Variants in KIF26B observed in about 807,000 individuals in gnomAD.
The protein encoded by KIF26B is kinesin-like protein KIF26B.
Under a neutral mutation model 151.2 loss-of-function variants are expected in KIF26B, and 63 were observed. The ratio of observed to expected loss-of-function variants is 0.42; its 90% CI spans 0.34 to 0.51. The LOEUF is 0.51. KIF26B is among the 20% of genes least tolerant of loss of function. KIF26B has a pLI of 0.07. For synonymous variants in KIF26B, 1,357 were observed against 1,262.1 expected, an observed-to-expected ratio of 1.08 and a Z score of -1.59; for missense variants, 2,813 against 2,913.6, an observed-to-expected ratio of 0.97 and a Z score of 0.79.
At chr1:245,445,635 A>G (rs1341465236) in intron 4 of KIF26B, among the ~76,000 whole-genome samples, 1 of 152,246 alleles carries the variant, frequency 6.6e-6, no homozygotes, top group Non-Finnish European at 1.5e-5. Context: ...AATAGGTCAA[A>G]TAGATCATAA....
At chr1:245,592,535 AT>A (rs1341323899) in intron 5 of KIF26B, among the ~76,000 whole-genome samples, 1 of 152,234 alleles carries the variant, frequency 6.6e-6, no homozygotes, top group Non-Finnish European at 1.5e-5. Flanking sequence ...AAACTGTAAG[AT>A]TTGTAAAACT....
chr1:245,557,600 C>T (rs1039771129), intron 5 of KIF26B, among the ~76,000 whole-genome samples: 3 of 152,144 alleles, frequency 2.0e-5, no homozygotes, highest in African/African-American at 4.8e-5. Context: ...AGGAGCTCAG[C>T]GCTTGGTGGG....
rs140779492 is a variant in KIF26B, at chr1:245,185,364, C to T, written c.465+28681C>T. ...ATGTTGGCCAGGCTGGTCTCGAACT[C>T]CTGACCTCAGGTAATCAGGTGGCGG... On this transcript the variant is annotated intron_variant, in intron 2 of 14. Transcript: ENST00000407071. 5.8e-3 allele frequency among the ~76,000 whole-genome samples: 886 copies of T among 152,222 alleles called. 5 individuals are homozygous for T. The highest frequency in any genetic ancestry group is 0.02 in the African/African-American group (837 of 41,538).
At chr1:245,631,613 G>A (rs1022756691) in intron 9 of KIF26B, among the ~76,000 whole-genome samples, 5 of 152,236 alleles carry the variant, frequency 3.3e-5, no homozygotes, top group South Asian at 2.1e-4. Flanking sequence ...GCCTGGTTGC[G>A]TGAATTAGGA....
intron 4 of KIF26B, among the ~76,000 whole-genome samples, chr1:245,507,092 C>T (rs1660741354): frequency 1.3e-5 from 2 of 152,214 alleles, no homozygotes; most frequent in South Asian, 4.1e-4. Context: ...GATGAGAGAA[C>T]TGACACCTCT....
intron 2 of KIF26B, among the ~76,000 whole-genome samples, chr1:245,182,461 A>C (rs775258049): frequency 3.9e-5 from 6 of 152,150 alleles, no homozygotes; most frequent in Non-Finnish European, 7.3e-5. Context: ...CACATGCTGT[A>C]TATCCATTCA....
rs533066181 is a variant in KIF26B, at chr1:245,533,425, A to G, written c.1167-7342A>G. On this transcript the variant is annotated intron_variant, in intron 4 of 14. Coordinates refer to ENST00000407071, the MANE Select transcript of KIF26B (RefSeq NM_018012.4). ...GAGCTCGAATGACCTCTTAAATTTT[A>G]TAAACACTTTACCCACCTATTTGAG... Among the ~76,000 whole-genome samples the G allele has an allele frequency of 4.6e-5, 7 of 152,292 alleles. No homozygotes were observed. The South Asian group carries it at 1.0e-3, about 23-fold the overall frequency.
At chr1:245,303,225 G>A (rs1381595201) in intron 2 of KIF26B, among the ~76,000 whole-genome samples, 1 of 139,858 alleles carries the variant, frequency 7.2e-6, no homozygotes, top group Non-Finnish European at 1.5e-5. Flanking sequence ...TTGCGACGGA[G>A]TCTCGCTTTG....
intron 9 of KIF26B, among the ~76,000 whole-genome samples, chr1:245,635,113 T>TC (rs397714400): frequency 2.6e-5 from 4 of 150,962 alleles, no homozygotes; most frequent in Admixed American, 1.3e-4. Context: ...TTTTTTTTTT[T>TC]CAAACAACAT....
chr1:245,637,426 C>T (rs1159509432), intron 9 of KIF26B, among the ~76,000 whole-genome samples: 1 of 151,952 alleles, frequency 6.6e-6, no homozygotes, highest in Non-Finnish European at 1.5e-5. Context: ...AATCCCTTGT[C>T]AAATAATTTG....
At chr1:245,595,912 T>A (rs2043332371) in intron 5 of KIF26B, among the ~76,000 whole-genome samples, 1 of 152,208 alleles carries the variant, frequency 6.6e-6, no homozygotes, top group Non-Finnish European at 1.5e-5. Context: ...TGTCCAGGAA[T>A]TTATCCATTT....
intron 2 of KIF26B, among the ~76,000 whole-genome samples, chr1:245,245,836 G>T (rs949118018): frequency 4.0e-5 from 6 of 149,794 alleles, no homozygotes; most frequent in Admixed American, 6.8e-5. Flanking sequence ...CTGAGGCAGA[G>T]AATTGCTTGA....
In KIF26B at chr1:245,667,596, A is replaced by G. The variant is rs12073328; in HGVS notation, c.2259-16637A>G. The stretch of plus-strand genomic sequence containing the variant: ...TGATGGAGAGGTACACCCAGTAGAT[A>G]CTTATTTAAATACTTATAGAAAGAC... On this transcript the variant is annotated intron_variant, in intron 10 of 14. Transcript: ENST00000407071. This position sits in a 1 kb window ranked among gnomAD's most constrained non-coding sequence, Gnocchi z 4.3. Among the ~76,000 whole-genome samples the G allele has an allele frequency of 0.05, 7,572 of 152,234 alleles. 564 individuals are homozygous for G. Among genetic ancestry groups the G allele is most frequent in the African/African-American group, 0.16 (6,527 of 41,480 alleles).
At position 245,540,714 on chromosome 1, in the gene KIF26B, G is replaced by A. The variant is rs1661596620; in HGVS notation, c.1167-53G>A. On this transcript the variant is annotated intron_variant, in intron 4 of 14. Transcript: ENST00000407071. This position sits in a 1 kb window ranked among gnomAD's most constrained non-coding sequence, Gnocchi z 4.6. The stretch of plus-strand genomic sequence containing the variant: ...TTTAAGAGAAAACGAAGTAAGCCTA[G>A]CAGATCTGATCGTACAATCATTTTC... The A allele has an allele frequency of 1.3e-6, 2 of 1,495,250 alleles. No individual in the cohort carries two copies. Among genetic ancestry groups the A allele is most frequent in the African/African-American group, 2.8e-5 (2 of 72,622 alleles). 92.6% of individuals were successfully genotyped at this position (1,495,250 alleles called of 1,614,324 possible).
chr1:245,493,290 C>T (rs1021764542), intron 4 of KIF26B, among the ~76,000 whole-genome samples: 2 of 152,124 alleles, frequency 1.3e-5, no homozygotes, highest in African/African-American at 4.8e-5. Context: ...GTTAGTCAAG[C>T]AGAGAAAAGT....
At chr1:245,288,857 C>A (rs145644315) in intron 2 of KIF26B, among the ~76,000 whole-genome samples, 13 of 152,124 alleles carry the variant, frequency 8.5e-5, no homozygotes, top group Non-Finnish European at 1.9e-4. Context: ...ACCCTGTTTT[C>A]AGTTTACTAT....
intron 5 of KIF26B, among the ~76,000 whole-genome samples, chr1:245,591,470 G>A (rs1420145133): frequency 1.3e-5 from 2 of 152,130 alleles, no homozygotes; most frequent in Admixed American, 1.3e-4. Context: ...GGACAGAGGA[G>A]GTTAAACACT....
At chr1:245,530,787 T>A (rs1434412327) in intron 4 of KIF26B, among the ~76,000 whole-genome samples, 1 of 152,222 alleles carries the variant, frequency 6.6e-6, no homozygotes, top group African/African-American at 2.4e-5. Context: ...ATGCTTCTCA[T>A]CTGTGCAATT....
intron 2 of KIF26B, chr1:245,283,086 C>T (rs1671092527): frequency 5.9e-6 from 1 of 168,500 alleles, no homozygotes; most frequent in Non-Finnish European, 1.3e-5. Flanking sequence ...CACCTACTAG[C>T]CATGGCTCCA....
Sources: gnomAD v4.1 joint callset for allele counts (sites outside exome capture counted in the v4.1 genomes callset) on GRCh38, gnomAD v4.1.1 for gene constraint, Gnocchi (gnomAD v3.1) non-coding constraint, MANE v1.5 for transcripts, NCBI Gene and HGNC (gene_info 2026-07-23, HGNC 2026-07-21) for gene names.